The following LARP1B variants were observed in gnomAD, a reference collection of about 807,000 sequenced individuals.
LARP1B encodes la-related protein 1B.
LARP1B carries 76 observed loss-of-function variants against 114.2 expected under a neutral mutation model. The observed-to-expected ratio is 0.67, with a 90% confidence interval of 0.55 to 0.81. The LOEUF is 0.81. Ranked by LOEUF, LARP1B falls within the 30% of genes least tolerant of loss-of-function variation. LARP1B has a pLI of 0.00. For synonymous variants in LARP1B, 345 were observed against 348.0 expected, an observed-to-expected ratio of 0.99 and a Z score of 0.10; for missense variants, 1,014 against 1,075.8, an observed-to-expected ratio of 0.94 and a Z score of 0.80.
intron 10 of LARP1B, among the ~76,000 whole-genome samples, chr4:128,120,079 T>C (rs907555212): frequency 2.0e-5 from 3 of 152,242 alleles, no homozygotes; most frequent in East Asian, 1.9e-4. Context: ...TGTCTTTTTT[T>C]AGTAAAAACA....
chr4:128,075,905 A>G (rs1767648724), intron 3 of LARP1B, among the ~76,000 whole-genome samples: 1 of 152,230 alleles, frequency 6.6e-6, no homozygotes, highest in Non-Finnish European at 1.5e-5. Flanking sequence ...TTATATTTGT[A>G]TAAAATCACA....
At chr4:128,188,420 T>C (rs77177522) in intron 15 of LARP1B, among the ~76,000 whole-genome samples, 2,667 of 152,276 alleles carry the variant, frequency 0.018, 64 homozygotes, top group East Asian at 0.1. Context: ...TACATCTAGC[T>C]GAAGGTTTGT....
intron 5 of LARP1B, among the ~76,000 whole-genome samples, chr4:128,086,588 C>G (rs1234993427): frequency 1.3e-5 from 2 of 152,134 alleles, no homozygotes; most frequent in African/African-American, 4.8e-5. Context: ...ATCAGCCTCC[C>G]AAAGTGCTGG....
At chr4:128,168,549 A>G (rs993696999) in intron 12 of LARP1B, among the ~76,000 whole-genome samples, 4 of 151,898 alleles carry the variant, frequency 2.6e-5, no homozygotes, top group African/African-American at 9.7e-5. Context: ...TTTTTTAGGT[A>G]TATCTTTTGG....
intron 9 of LARP1B, chr4:128,108,254 A>G (rs567975672): frequency 4.5e-4 from 499 of 1,097,418 alleles, no homozygotes; most frequent in Admixed American, 6.9e-4. Context: ...TTCCAGGGTT[A>G]TGTACTTGTG....
chr4:128,067,423 ACAGGGGAGAATATTT>A (rs1763425135), intron 1 of LARP1B, among the ~76,000 whole-genome samples: 1 of 152,208 alleles, frequency 6.6e-6, no homozygotes. Flanking sequence ...CATAGGAAAC[ACAGGGGAGAATATTT>A]CAGGACAGAA....
chr4:128,086,640 C>G (rs1274728433), intron 5 of LARP1B, among the ~76,000 whole-genome samples: 2 of 151,692 alleles, frequency 1.3e-5, no homozygotes, highest in African/African-American at 4.8e-5. Flanking sequence ...CTGCCTGTTC[C>G]TTTTGTCTTT....
At chr4:128,083,836 C>G (rs1771997032) in intron 5 of LARP1B, among the ~76,000 whole-genome samples, 1 of 150,536 alleles carries the variant, frequency 6.6e-6, no homozygotes, top group African/African-American at 2.4e-5. Context: ...GGGGCGGCTG[C>G]CGGGCGGAGA....
At chr4:128,089,454 G>GC (rs1413212105) in intron 5 of LARP1B, among the ~76,000 whole-genome samples, 7 of 151,870 alleles carry the variant, frequency 4.6e-5, no homozygotes, top group Non-Finnish European at 8.8e-5. Flanking sequence ...TCCTGCCCTA[G>GC]CCTCCCGAGT....
At chr4:128,111,890 CAGTT>C (rs887353679) in intron 9 of LARP1B, among the ~76,000 whole-genome samples, 12 of 151,068 alleles carry the variant, frequency 7.9e-5, no homozygotes, top group African/African-American at 2.7e-4. Context: ...GGGGTTTCAC[CAGTT>C]GGCCAGGCTG....
chr4:128,219,804 TAAA>T (rs1466782593), intron 6 of LARP1B, among the ~76,000 whole-genome samples: 3 of 148,566 alleles, frequency 2.0e-5, no homozygotes, highest in Non-Finnish European at 3.0e-5. Context: ...ATAAAATAAA[TAAA>T]TAAATAAATA....
intron 14 of LARP1B, 131 bp downstream of exon 14, chr4:128,178,773 TTTACCATAGTGATATTTTCTCTGG>T (rs1747307782): frequency 3.8e-6 from 3 of 792,508 alleles, no homozygotes; most frequent in Non-Finnish European, 6.0e-6. Flanking sequence ...AAAATCATAC[TTTACCATAGTGATATTTTCTCTGG>T]TTAGGAAATT....
At chr4:128,156,246 C>A in intron 11 of LARP1B, 2 of 1,305,188 alleles carry the variant, frequency 1.5e-6, no homozygotes, top group Non-Finnish European at 2.2e-6. Context: ...CCCTAAGCAA[C>A]GTCTGCTCCC....
chr4:128,178,386 A>G, intron 13 of LARP1B, 45 bp from the exon 14 acceptor site: 1 of 1,373,052 alleles, frequency 7.3e-7, no homozygotes, highest in Non-Finnish European at 1.0e-6. Context: ...AAAGTAAAAT[A>G]TTTTCCTAGC....
chr4:128,099,029 G>A (rs143929766), intron 8 of LARP1B, among the ~76,000 whole-genome samples: 4,008 of 150,246 alleles, frequency 0.027, 166 homozygotes, highest in African/African-American at 0.093. Flanking sequence ...GCCCACCTTC[G>A]CCTCCCAAAA....
intron 1 of LARP1B, chr4:128,062,198 C>T: frequency 1.0e-6 from 1 of 985,448 alleles, no homozygotes; most frequent in Non-Finnish European, 1.2e-6. Flanking sequence ...GCCACCGCCC[C>T]CGCTGGAAAC....
intron 9 of LARP1B, chr4:128,108,470 C>T (rs1317748964): frequency 4.1e-6 from 4 of 985,530 alleles, no homozygotes; most frequent in Admixed American, 6.2e-5. Flanking sequence ...TCTTCCTTTA[C>T]TCTTCAAAAT....
intron 5 of LARP1B, among the ~76,000 whole-genome samples, chr4:128,083,346 G>C (rs1191718211): frequency 6.6e-6 from 1 of 152,054 alleles, no homozygotes; most frequent in African/African-American, 2.4e-5. Flanking sequence ...CCTCCCAGAC[G>C]GGGTGGTGGC....
At chr4:128,175,499 G>T (rs1369124243) in intron 12 of LARP1B, among the ~76,000 whole-genome samples, 1 of 152,028 alleles carries the variant, frequency 6.6e-6, no homozygotes, top group African/African-American at 2.4e-5. Context: ...CATTCCTTCT[G>T]CAATCCTTAC....
Sources: gnomAD v4.1 joint callset for allele counts (sites outside exome capture counted in the v4.1 genomes callset) on GRCh38, gnomAD v4.1.1 for gene constraint, MANE v1.5 for transcripts, NCBI Gene and HGNC (gene_info 2026-07-23, HGNC 2026-07-21) for gene names.